KLHL3: variants seen among roughly 807,000 people sequenced by gnomAD.
KLHL3 encodes the protein kelch-like protein 3.
KLHL3 carries 19 observed loss-of-function variants against 70.5 expected under a neutral mutation model. The observed-to-expected ratio is 0.27, with a 90% CI of 0.19 to 0.40. The LOEUF is 0.40. Ranked by LOEUF, KLHL3 falls within the 10% of genes least tolerant of loss-of-function variation. The pLI is 1.00. For synonymous variants in KLHL3, 258 were observed against 290.3 expected (o/e 0.89, Z 1.13); for missense variants, 512 against 771.1 (o/e 0.66, Z 3.98).
intron 8 of KLHL3, among the ~76,000 whole-genome samples, chr5:137,648,604 A>T (rs1751115354): frequency 6.6e-6 from 1 of 152,162 alleles, no homozygotes; most frequent in Non-Finnish European, 1.5e-5. Flanking sequence ...AATGTGTGGG[A>T]GCCAAGATGA....
At chr5:137,657,491 C>T (rs754446758) in intron 8 of KLHL3, among the ~76,000 whole-genome samples, 128 of 152,208 alleles carry the variant, frequency 8.4e-4, no homozygotes, top group Non-Finnish European at 1.2e-3. Flanking sequence ...TCGCAGGGAA[C>T]CAAAGCAGCC....
chr5:137,673,167 T>C (rs752249086), intron 6 of KLHL3, among the ~76,000 whole-genome samples: 23 of 152,180 alleles, frequency 1.5e-4, no homozygotes, highest in Non-Finnish European at 3.2e-4. Context: ...ATATAGGGGA[T>C]TGAGGCCCTT....
intron 5 of KLHL3, among the ~76,000 whole-genome samples, chr5:137,683,006 T>C (rs576829490): frequency 6.6e-6 from 1 of 152,292 alleles, no homozygotes; most frequent in South Asian, 2.1e-4. Context: ...TTGAGAGACA[T>C]AATATATGTA....
At chr5:137,663,016 A>ATTAGATAC (rs1249269099) in intron 6 of KLHL3, among the ~76,000 whole-genome samples, 2 of 149,566 alleles carry the variant, frequency 1.3e-5, no homozygotes, top group African/African-American at 4.9e-5. Context: ...TATCCATACC[A>ATTAGATAC]TTAGATACAG....
chr5:137,717,091 C>T (rs1261560097), intron 2 of KLHL3, among the ~76,000 whole-genome samples: 3 of 152,256 alleles, frequency 2.0e-5, no homozygotes, highest in African/African-American at 7.2e-5. Context: ...TGTCCTATCT[C>T]TGCCAGGGCA....
intron 10 of KLHL3, 30 bp downstream of exon 10, chr5:137,638,923 G>A: frequency 6.3e-7 from 1 of 1,598,520 alleles, no homozygotes; most frequent in Admixed American, 1.7e-5. Context: ...TCCCAGGCTA[G>A]GAGGGGTTGG....
chr5:137,691,614 CTT>C (rs34825035), intron 5 of KLHL3, among the ~76,000 whole-genome samples: 318 of 143,158 alleles, frequency 2.2e-3, no homozygotes, highest in Middle Eastern at 3.7e-3. Context: ...TAGTACGTGA[CTT>C]TTTTTTTTTT....
intron 6 of KLHL3, among the ~76,000 whole-genome samples, chr5:137,668,625 GT>G (rs1262885785): frequency 2.0e-5 from 3 of 152,168 alleles, no homozygotes; most frequent in African/African-American, 7.2e-5. Flanking sequence ...GAATGATTCT[GT>G]TGGATTCCTG....
intron 12 of KLHL3, 39 bp from the exon 13 acceptor site, chr5:137,628,476 T>C (rs776842477): frequency 3.3e-5 from 53 of 1,611,148 alleles, no homozygotes; most frequent in East Asian, 2.7e-4. Context: ...TCATGCTGAC[T>C]ACAGTAACCA....
At chr5:137,732,060 C>A (rs1049306218) in intron 1 of KLHL3, among the ~76,000 whole-genome samples, 1 of 152,130 alleles carries the variant, frequency 6.6e-6, no homozygotes, top group Non-Finnish European at 1.5e-5. Flanking sequence ...ATCTGACTAA[C>A]CATTTATTTT....
At position 137,661,941 on chromosome 5, in the gene KLHL3, G is replaced by T; in HGVS notation, c.727C>A (p.Leu243Ile). ...AKLMEHVRLPLLPRDYLVQTV... is the reference protein window; with the variant it reads ...AKLMEHVRLPILPRDYLVQTV... ...TGGACTAGGTAGTCCCTAGGTAAGA[G>T]AGGAAGTCGGACATGTTCCATCAGC... Residue 243 changes from leucine to isoleucine, a missense_variant, in exon 7 of 15, where the codon CTC becomes ATC. Coordinates refer to ENST00000309755, the MANE Select transcript of KLHL3 (RefSeq NM_017415.3). 6.2e-7 allele frequency: 1 copy of T among 1,608,706 alleles called. No homozygotes were observed. The highest frequency in any genetic ancestry group is 8.5e-7 in the Non-Finnish European group (1 of 1,175,148).
Position 137,735,781 on chromosome 5 carries a change from G to GCCTCCTCCCTTCTCAAT in KLHL3, c.-152_-136dup. 8.5e-7 allele frequency: 1 copy of GCCTCCTCCCTTCTCAAT among 1,180,282 alleles called. No individual in the cohort carries two copies. Among genetic ancestry groups the GCCTCCTCCCTTCTCAAT allele is most frequent in the Middle Eastern group, 1.9e-4 (1 of 5,168 alleles). The allele number at this position is 1,180,282 out of a possible 1,614,324, so 73.1% of individuals were successfully genotyped here. ...GTGATTCAGCATGGCTGCAAGTGAA[G>GCCTCCTCCCTTCTCAAT]CCTCCTCCCTTCTCAATCCTCCTTC... On this transcript the variant is annotated 5_prime_UTR_variant, in exon 1 of 15. Coordinates refer to ENST00000309755, the MANE Select transcript of KLHL3 (RefSeq NM_017415.3).
In KLHL3 at chr5:137,717,978, A is replaced by G. The variant is rs115444494; in HGVS notation, c.134+2487T>C. Reference sequence around the variant, plus strand: ...CAAAACACTTGGTCTATATGCAACAACCACCAAAGGCGGCTCTATAGTCAA... The same window carrying G: ...CAAAACACTTGGTCTATATGCAACAGCCACCAAAGGCGGCTCTATAGTCAA... On this transcript the variant is annotated intron_variant, in intron 2 of 14. Coordinates refer to ENST00000309755, the MANE Select transcript of KLHL3 (RefSeq NM_017415.3). 2.7e-3 allele frequency among the ~76,000 whole-genome samples: 419 copies of G among 152,374 alleles called. 2 individuals are homozygous for G. The highest frequency in any genetic ancestry group is 4.5e-3 in the Non-Finnish European group (305 of 68,042).
At chr5:137,640,321 T>C (rs979876481) in intron 8 of KLHL3, among the ~76,000 whole-genome samples, 2 of 152,178 alleles carry the variant, frequency 1.3e-5, no homozygotes, top group African/African-American at 4.8e-5. Flanking sequence ...CAAAACAAAC[T>C]TGAATATACT....
intron 6 of KLHL3, among the ~76,000 whole-genome samples, chr5:137,662,240 T>TACACACACAC (rs138942924): frequency 1.3e-4 from 18 of 141,768 alleles, no homozygotes; most frequent in Admixed American, 4.9e-4. Flanking sequence ...ACACACACTC[T>TACACACACAC]ACACACACAC....
intron 2 of KLHL3, among the ~76,000 whole-genome samples, chr5:137,719,853 G>A (rs1046092877): frequency 6.6e-6 from 1 of 152,156 alleles, no homozygotes; most frequent in Non-Finnish European, 1.5e-5. Context: ...TGGTTTTCAA[G>A]CAGCTCGTTC....
At chr5:137,675,845 T>C (rs1040780565) in intron 6 of KLHL3, among the ~76,000 whole-genome samples, 1 of 152,230 alleles carries the variant, frequency 6.6e-6, no homozygotes, top group African/African-American at 2.4e-5. Flanking sequence ...CTGCTGTTTA[T>C]ATGAGTGCTT....
chr5:137,626,822 G>A lies in KLHL3; in HGVS notation c.1592-926C>T, dbSNP rs553828352. Among the ~76,000 whole-genome samples the A allele has an allele frequency of 3.9e-5, 6 of 152,178 alleles. No individual in the cohort carries two copies. The East Asian group carries it at 9.7e-4, about 25-fold the overall frequency. ...AGTTCAAGACCAACCTGGGCAACAT[G>A]GTGAAACCCTGTCTCTACAAAAAAT... On this transcript the variant is annotated intron_variant, in intron 13 of 14. Transcript: ENST00000309755.
At position 137,656,596 on chromosome 5, in the gene KLHL3, T is replaced by G. The variant is rs1751351146; in HGVS notation, c.903+1535A>C. Among the ~76,000 whole-genome samples, 3 of 152,268 alleles carry G rather than the reference T, an allele frequency of 2.0e-5. No homozygotes were observed. In the South Asian group the frequency reaches 6.2e-4, roughly 32 times the overall value. ...CTATAATTAAAGAAAGCTAAGTTAT[T>G]TTCACTTTGAAAAATATGAAGAAGT... On this transcript the variant is annotated intron_variant, in intron 8 of 14. Coordinates refer to ENST00000309755, the MANE Select transcript of KLHL3 (RefSeq NM_017415.3).
Sources: gnomAD v4.1 joint callset for allele counts (sites outside exome capture counted in the v4.1 genomes callset) on GRCh38, gnomAD v4.1.1 for gene constraint, MANE v1.5 for transcripts, NCBI Gene and HGNC (gene_info 2026-07-23, HGNC 2026-07-21) for gene names.